The following DTNB variants were observed in gnomAD, a reference collection of about 807,000 sequenced individuals.
DTNB encodes the protein dystrobrevin beta.
In DTNB, 63 loss-of-function variants were observed where a neutral mutation model predicts 90.7. The ratio of observed to expected loss-of-function variants is 0.69; its 90% CI spans 0.57 to 0.86. The LOEUF (loss-of-function observed/expected upper bound fraction) is 0.86, where lower values mean the gene tolerates loss of function less well. DTNB is among the 40% of genes least tolerant of loss of function. The pLI is 0.00. For missense variants in DTNB, 744 were observed against 807.1 expected, an observed-to-expected ratio of 0.92 and a Z score of 0.95; for synonymous variants, 277 against 286.7, an observed-to-expected ratio of 0.97 and a Z score of 0.34.
At chr2:25,418,694 G>A (rs369695443) in intron 16 of DTNB, among the ~76,000 whole-genome samples, 3 of 146,092 alleles carry the variant, frequency 2.1e-5, no homozygotes, top group Admixed American at 6.8e-5. Context: ...GCGAGACACC[G>A]TCTCAAAAAA....
At chr2:25,541,541 G>A (rs2081255074) in intron 8 of DTNB, among the ~76,000 whole-genome samples, 2 of 152,054 alleles carry the variant, frequency 1.3e-5, no homozygotes, top group Non-Finnish European at 2.9e-5. Context: ...TCAGTAGGGT[G>A]AAGTATATTC....
rs536124512 is a variant in DTNB at position 25,462,998 on chromosome 2, C to T, written c.1080-7504G>A. On this transcript the variant is annotated intron_variant, in intron 10 of 20. Coordinates refer to ENST00000406818, the MANE Select transcript of DTNB (RefSeq NM_021907.5). The stretch of plus-strand genomic sequence containing the variant: ...GATTACAGGCGTGAGCCACCGCGCC[C>T]GGCCTACTCAGAACACTCTTACAAG... Among the ~76,000 whole-genome samples the T allele has an allele frequency of 5.3e-5, 8 of 152,278 alleles. No individual in the cohort carries two copies. The South Asian group carries it at 6.2e-4, about 12-fold the overall frequency.
At chr2:25,648,684 T>C (rs940194967) in intron 2 of DTNB, among the ~76,000 whole-genome samples, 4 of 152,152 alleles carry the variant, frequency 2.6e-5, no homozygotes, top group African/African-American at 7.2e-5. Context: ...CTGCAAATCC[T>C]AAAATATTTA....
At chr2:25,496,826 G>C (rs1164308312) in intron 9 of DTNB, among the ~76,000 whole-genome samples, 1 of 147,882 alleles carries the variant, frequency 6.8e-6, no homozygotes, top group African/African-American at 2.5e-5. Flanking sequence ...CTGGGTGACA[G>C]AGTGAGACTC....
At chr2:25,518,926 T>C (rs1232779637) in intron 9 of DTNB, among the ~76,000 whole-genome samples, 1 of 152,134 alleles carries the variant, frequency 6.6e-6, no homozygotes. Flanking sequence ...AGCTGTGACC[T>C]AATGGCCTTC....
chr2:25,491,835 T>C (rs2067573729), intron 9 of DTNB, among the ~76,000 whole-genome samples: 1 of 151,932 alleles, frequency 6.6e-6, no homozygotes, highest in African/African-American at 2.4e-5. Flanking sequence ...ACATTTTCCA[T>C]GGATTCACTC....
chr2:25,624,419 A>G (rs528236413), intron 4 of DTNB, among the ~76,000 whole-genome samples: 30 of 152,218 alleles, frequency 2.0e-4, no homozygotes, highest in Non-Finnish European at 4.1e-4. Context: ...AAGAGGAGGC[A>G]TTTAGTAGAA....
Position 25,396,183 on chromosome 2 carries a change from T to C in DTNB, c.1576-7822A>G, listed in dbSNP as rs765793983. Among the ~76,000 whole-genome samples, 109 of 152,152 alleles carry C rather than the reference T, an allele frequency of 7.2e-4. 2 individuals are homozygous for C. Among genetic ancestry groups the C allele is most frequent in the Non-Finnish European group, 8.4e-4 (57 of 68,022 alleles). On this transcript the variant is annotated intron_variant, in intron 16 of 20. Transcript: ENST00000406818. ...TGACTCAGGAATGGAAAACCAAACA[T>C]CGTTGTTCTTATCCATAAGTGGGAG... is the stretch of plus-strand genomic sequence containing the variant.
intron 19 of DTNB, among the ~76,000 whole-genome samples, chr2:25,382,112 C>A (rs1368521736): frequency 6.6e-6 from 1 of 152,226 alleles, no homozygotes; most frequent in East Asian, 1.9e-4. Flanking sequence ...TTCTTTCACT[C>A]CCCCGAGCCT....
chr2:25,440,499 G>A (rs1415590733), intron 12 of DTNB, among the ~76,000 whole-genome samples: 1 of 152,216 alleles, frequency 6.6e-6, no homozygotes, highest in Non-Finnish European at 1.5e-5. Context: ...GAAAAAGGAA[G>A]CTGAACTTGC....
intron 8 of DTNB, among the ~76,000 whole-genome samples, chr2:25,563,521 C>T (rs932766563): frequency 2.6e-5 from 4 of 152,140 alleles, no homozygotes; most frequent in African/African-American, 7.2e-5. Context: ...TAAGAAGGCA[C>T]TAACTCAAGG....
intron 8 of DTNB, among the ~76,000 whole-genome samples, chr2:25,570,539 C>A (rs1162855877): frequency 6.6e-6 from 1 of 152,046 alleles, no homozygotes; most frequent in Non-Finnish European, 1.5e-5. Flanking sequence ...GTTTTTGCCC[C>A]CATCACTCCA....
At chr2:25,416,508 C>T (rs1006961531) in intron 16 of DTNB, among the ~76,000 whole-genome samples, 2 of 152,030 alleles carry the variant, frequency 1.3e-5, no homozygotes, top group African/African-American at 4.8e-5. Flanking sequence ...CCCATCTCTA[C>T]TAAAAATACA....
chr2:25,415,244 CTT>C (rs34257264), intron 16 of DTNB, among the ~76,000 whole-genome samples: 55 of 123,498 alleles, frequency 4.5e-4, no homozygotes, highest in Admixed American at 4.3e-4. Context: ...ATAAGAGCTT[CTT>C]TTTTTTTTTT....
intron 2 of DTNB, among the ~76,000 whole-genome samples, chr2:25,645,138 G>A (rs1014506886): frequency 7.9e-5 from 12 of 152,084 alleles, no homozygotes; most frequent in African/African-American, 2.4e-4. Context: ...ATCCCAGCAC[G>A]TTGGGAGGCT....
intron 9 of DTNB, among the ~76,000 whole-genome samples, chr2:25,515,695 C>A (rs2074964106): frequency 6.6e-6 from 1 of 152,120 alleles, no homozygotes; most frequent in Non-Finnish European, 1.5e-5. Flanking sequence ...CCTGCCTAAG[C>A]CTCCTGAGTA....
At chr2:25,463,388 G>A (rs990465840) in intron 10 of DTNB, among the ~76,000 whole-genome samples, 3 of 152,104 alleles carry the variant, frequency 2.0e-5, no homozygotes, top group Non-Finnish European at 4.4e-5. Context: ...CAACTTCTTA[G>A]GAGTTCTCGC....
intron 8 of DTNB, among the ~76,000 whole-genome samples, chr2:25,571,743 A>G (rs2059898040): frequency 6.6e-6 from 1 of 152,164 alleles, no homozygotes; most frequent in Non-Finnish European, 1.5e-5. Flanking sequence ...AGCCTCCTCC[A>G]TCTGAGGACT....
At chr2:25,516,497 C>T (rs1190004967) in intron 9 of DTNB, among the ~76,000 whole-genome samples, 2 of 152,190 alleles carry the variant, frequency 1.3e-5, no homozygotes, top group East Asian at 3.9e-4. Flanking sequence ...AAGCAATCCT[C>T]CCACCCCAGA....
Sources: allele counts gnomAD v4.1 joint callset (sites outside exome capture counted in the v4.1 genomes callset), GRCh38; gene constraint gnomAD v4.1.1; transcripts MANE v1.5; gene names NCBI Gene and HGNC (gene_info 2026-07-23, HGNC 2026-07-21).